The following SLC12A7 variants were observed in gnomAD, a reference collection of about 807,000 sequenced individuals.
The protein encoded by SLC12A7 is solute carrier family 12 member 7, also known as K-Cl cotransporter 4.
Under a neutral mutation model 120.6 loss-of-function variants are expected in SLC12A7, and 100 were observed. The ratio of observed to expected loss-of-function variants is 0.83; its 90% CI spans 0.71 to 0.98. SLC12A7 has a LOEUF of 0.98. Among genes scored for constraint, SLC12A7 ranks in the 50% least tolerant of loss-of-function variants. SLC12A7 has a pLI of 0.00. For synonymous variants in SLC12A7, 760 were observed against 678.0 expected, an observed-to-expected ratio of 1.12 and a Z score of -1.88; for missense variants, 1,373 against 1,548.1, an observed-to-expected ratio of 0.89 and a Z score of 1.90.
Position 1,112,013 on chromosome 5 carries a change from C to T in SLC12A7, c.-22G>A. 2 of 1,253,240 alleles carry T rather than the reference C, an allele frequency of 1.6e-6. No homozygotes were observed. Among genetic ancestry groups the T allele is most frequent in the Non-Finnish European group, 2.0e-6 (2 of 998,188 alleles). The allele number at this position is 1,253,240 out of a possible 1,614,324, so 77.6% of individuals were successfully genotyped here. The stretch of plus-strand genomic sequence containing the variant: ...GCATGGCCGCCTGCAGCCGACAGTC[C>T]CCGTCCCGGCCCGGCCCGCGCTGCG... On this transcript the variant is annotated 5_prime_UTR_variant, in exon 1 of 24. Coordinates refer to ENST00000264930, the MANE Select transcript of SLC12A7 (RefSeq NM_006598.3).
chr5:1,125,869 G>T, the SLC12A7 span, among the ~76,000 whole-genome samples: 1 of 148,460 alleles, frequency 6.7e-6, no homozygotes, highest in South Asian at 2.1e-4. Flanking sequence ...AAGTTGCAGG[G>T]AGCTGAGATC....
chr5:1,080,997 CA>C (rs1251968762), intron 9 of SLC12A7, among the ~76,000 whole-genome samples: 1 of 144,876 alleles, frequency 6.9e-6, no homozygotes, highest in Non-Finnish European at 1.5e-5. Context: ...GAGAGAGAGA[CA>C]GAGAGAGAGA....
rs370535697 is a variant in SLC12A7, at chr5:1,051,711, G to C, written c.*649C>G. ...AGATGATCCACCACGTTCTGGAAAA[G>C]CCGAGTTCCCTTTCCAGATGGCCCT... On this transcript the variant is annotated 3_prime_UTR_variant, in exon 24 of 24. Transcript: ENST00000264930. 6.6e-6 allele frequency: 1 copy of C among 152,394 alleles called. No homozygotes were observed. The highest frequency in any genetic ancestry group is 1.5e-5 in the Non-Finnish European group (1 of 68,198). The allele number at this position is 152,394 out of a possible 1,614,324, so 9.4% of individuals were successfully genotyped here. A position where few individuals can be genotyped will look rare whatever the true frequency, so the allele number is the denominator to read the frequency against.
rs201753439 is a variant in SLC12A7, at chr5:1,075,424, C to G, written c.1914G>C (p.Ala638=). The G allele has an allele frequency of 6.2e-7, 1 of 1,612,532 alleles. No individual in the cohort carries two copies. The highest frequency in any genetic ancestry group is 2.2e-5 in the East Asian group (1 of 44,874). Reference sequence around the variant, plus strand: ...AGCCAGCGATGAGCATGGCGGACAGCGCGTAGTACCAGGAGCAGATGAACA... The same window carrying G: ...AGCCAGCGATGAGCATGGCGGACAGGGCGTAGTACCAGGAGCAGATGAACA... ...ALMFICSWYY[A]LSAMLIAGCI... The change falls in exon 15 of 24, where the codon GCG becomes GCC. Residue 638 remains alanine (A), a synonymous_variant. Coordinates refer to ENST00000264930, the MANE Select transcript of SLC12A7 (RefSeq NM_006598.3).
chr5:1,115,689 C>T (rs950191469), upstream of SLC12A7, among the ~76,000 whole-genome samples: 3 of 152,098 alleles, frequency 2.0e-5, no homozygotes, highest in Non-Finnish European at 4.4e-5. Context: ...GCCCTGGAGG[C>T]CCCACACTCC....
At chr5:1,147,491 CG>C in the SLC12A7 span, among the ~76,000 whole-genome samples, 1 of 152,142 alleles carries the variant, frequency 6.6e-6, no homozygotes, top group African/African-American at 2.4e-5. Context: ...TCTGTCCTCT[CG>C]GGGCCGCCTC....
the SLC12A7 span, among the ~76,000 whole-genome samples, chr5:1,119,195 TG>T: frequency 1.3e-5 from 2 of 152,216 alleles, no homozygotes; most frequent in African/African-American, 4.8e-5. Context: ...AGCTTTCTGC[TG>T]GGATCAGAGA....
the SLC12A7 span, among the ~76,000 whole-genome samples, chr5:1,131,358 C>A: frequency 6.6e-6 from 1 of 152,200 alleles, no homozygotes; most frequent in Non-Finnish European, 1.5e-5. Flanking sequence ...ACCTCAGCCT[C>A]AGCAGCTGCT....
chr5:1,076,287 C>T (rs763941478), intron 13 of SLC12A7, 51 bp from the exon 14 acceptor site: 2 of 1,477,238 alleles, frequency 1.4e-6, no homozygotes, highest in East Asian at 2.4e-5. Context: ...CCCCTGAGCC[C>T]CCAGTCACTG....
the SLC12A7 span, among the ~76,000 whole-genome samples, chr5:1,149,808 C>T: frequency 6.6e-6 from 1 of 152,134 alleles, no homozygotes; most frequent in Admixed American, 6.5e-5. Flanking sequence ...GTGGGCGGAT[C>T]ACCTGATGTC....
intron 1 of SLC12A7, 142 bp downstream of exon 1, chr5:1,111,726 G>A (rs965554076): frequency 3.6e-5 from 31 of 870,846 alleles, no homozygotes; most frequent in Non-Finnish European, 4.6e-5. Flanking sequence ...CCTCGTGGGG[G>A]ACCGAGAACA....
the SLC12A7 span, among the ~76,000 whole-genome samples, chr5:1,151,481 T>C: frequency 5.3e-5 from 8 of 152,162 alleles, no homozygotes; most frequent in Non-Finnish European, 8.8e-5. This position sits in a 1 kb window ranked among gnomAD's most constrained non-coding sequence, Gnocchi z 6.2. Flanking sequence ...CCTCCAGGTA[T>C]AATTATGAGC....
chr5:1,052,484 C>G, intron 23 of SLC12A7, 33 bp from the exon 24 acceptor site: 4 of 1,536,780 alleles, frequency 2.6e-6, no homozygotes, highest in Non-Finnish European at 3.6e-6. Flanking sequence ...CACAGCTGAT[C>G]TTACCTGAGC....
chr5:1,112,322 G>C (rs1743089873), upstream of SLC12A7, among the ~76,000 whole-genome samples: 1 of 28,198 alleles, frequency 3.5e-5, no homozygotes, highest in Non-Finnish European at 5.9e-5. Context: ...CCCTCCTGCT[G>C]GAACTCCCCG....
intron 1 of SLC12A7, among the ~76,000 whole-genome samples, chr5:1,110,513 C>T (rs1262268738): frequency 1.3e-5 from 2 of 152,266 alleles, no homozygotes; most frequent in African/African-American, 4.8e-5. Context: ...AAGCAAATGA[C>T]ACTTACAGTC....
Position 1,106,923 on chromosome 5 carries a change from A to G in SLC12A7, c.124+4945T>C, listed in dbSNP as rs1477096910. Among the ~76,000 whole-genome samples, 7 of 152,252 alleles carry G rather than the reference A, an allele frequency of 4.6e-5. No homozygotes were observed. In the South Asian group the frequency reaches 1.4e-3, roughly 31 times the overall value. ...AGCTCATCCTCACGGGTGTGGGACCAAGGACAGAACCAGGAGTTGCTGCTC... is the reference window on the plus strand; with the variant it reads ...AGCTCATCCTCACGGGTGTGGGACCGAGGACAGAACCAGGAGTTGCTGCTC... On this transcript the variant is annotated intron_variant, in intron 1 of 23. Coordinates refer to ENST00000264930, the MANE Select transcript of SLC12A7 (RefSeq NM_006598.3).
intron 21 of SLC12A7, among the ~76,000 whole-genome samples, chr5:1,057,862 C>T (rs11133608): frequency 0.11 from 16,939 of 152,184 alleles, 3,050 homozygotes; most frequent in African/African-American, 0.38. Flanking sequence ...ACGCTCACCC[C>T]CTCACCTTCC....
chr5:1,124,519 G>T, the SLC12A7 span, among the ~76,000 whole-genome samples: 1 of 152,328 alleles, frequency 6.6e-6, no homozygotes, highest in East Asian at 1.9e-4. Flanking sequence ...CGAAAACTGT[G>T]AGGATTTATC....
chr5:1,150,297 G>A, the SLC12A7 span, among the ~76,000 whole-genome samples: 445 of 113,738 alleles, frequency 3.9e-3, no homozygotes, highest in Non-Finnish European at 6.5e-3. Flanking sequence ...CCCCGACCCC[G>A]ATAGAGCCAT....
Sources: gnomAD v4.1 joint callset for allele counts (sites outside exome capture counted in the v4.1 genomes callset) on GRCh38, gnomAD v4.1.1 for gene constraint, Gnocchi (gnomAD v3.1) non-coding constraint, MANE v1.5 for transcripts, NCBI Gene and HGNC (gene_info 2026-07-23, HGNC 2026-07-21) for gene names.